The following LATS2 variants were observed in gnomAD, a reference collection of about 807,000 sequenced individuals.
LATS2 encodes the protein large tumor suppressor kinase 2.
A neutral mutation model predicts 76.0 loss-of-function variants in LATS2; 24 were observed. The observed-to-expected ratio is 0.32, with a 90% CI of 0.23 to 0.44. The LOEUF (loss-of-function observed/expected upper bound fraction) is 0.44, where lower values mean the gene tolerates loss of function less well. LATS2 is among the 20% of genes least tolerant of loss of function. The pLI, the probability that LATS2 is intolerant of heterozygous loss-of-function variation, is 1.00. For synonymous variants in LATS2, 692 were observed against 635.4 expected (o/e 1.09, Z -1.34); for missense variants, 1,286 against 1,481.2 (o/e 0.87, Z 2.16).
chr13:21,027,812 A>C (rs945791669), intron 2 of LATS2, among the ~76,000 whole-genome samples: 1 of 152,190 alleles, frequency 6.6e-6, no homozygotes, highest in Non-Finnish European at 1.5e-5. Flanking sequence ...AAACCTGCTG[A>C]GATTGTATTT....
chr13:21,024,608 C>T (rs1872233101), intron 2 of LATS2, among the ~76,000 whole-genome samples: 1 of 150,962 alleles, frequency 6.6e-6, no homozygotes, highest in Non-Finnish European at 1.5e-5. Flanking sequence ...CTTTGACGGT[C>T]ATCACTGACC....
intron 4 of LATS2, among the ~76,000 whole-genome samples, chr13:20,984,486 T>A (rs1870053481): frequency 6.6e-6 from 1 of 152,156 alleles, no homozygotes; most frequent in Non-Finnish European, 1.5e-5. Context: ...TAGCATACAT[T>A]AGATAGACTT....
At position 20,988,280 on chromosome 13, in the gene LATS2, G is replaced by C; in HGVS notation, c.1500C>G (p.Phe500Leu). ...GGCCTCCGTACTCCACGTCCAGCGG[G>C]AAGGCGCCTGCGCCGCCCAGCGCCA... is the stretch of plus-strand genomic sequence containing the variant. Reference protein sequence around the residue: ...HALALGGAGAFPLDVEYGGPD... With the variant: ...HALALGGAGALPLDVEYGGPD... The change falls in exon 4 of 8, where the codon TTC becomes TTG. Residue 500 changes from phenylalanine (F) to leucine (L), a missense_variant. By Grantham distance (22) the Phe-to-Leu change is conservative. Coordinates refer to ENST00000382592, the MANE Select transcript of LATS2 (RefSeq NM_014572.3). 6.3e-7 allele frequency: 1 copy of C among 1,591,568 alleles called. No homozygotes were observed. Among genetic ancestry groups the C allele is most frequent in the African/African-American group, 1.3e-5 (1 of 74,746 alleles).
chr13:20,980,405 C>T (rs1230860460), intron 6 of LATS2, among the ~76,000 whole-genome samples: 1 of 152,216 alleles, frequency 6.6e-6, no homozygotes, highest in African/African-American at 2.4e-5. Context: ...TCCCACTTTT[C>T]CTTCAGAGCC....
At position 21,007,689 on chromosome 13, in the gene LATS2, A is replaced by G. The variant is rs1457136065; in HGVS notation, c.343-16285T>C. Among the ~76,000 whole-genome samples, 2 of 1,412 alleles carry G rather than the reference A, an allele frequency of 1.4e-3. 1 individual carries two copies. Among genetic ancestry groups the G allele is most frequent in the Non-Finnish European group, 3.3e-3 (2 of 612 alleles). 0.9% of individuals were successfully genotyped at this position (1,412 alleles called of 152,430 possible). ...GTGTGTATATATATATATAGTATAT[A>G]TATATATATAGTATGTATATATATA... On this transcript the variant is annotated intron_variant, in intron 2 of 7. Transcript: ENST00000382592.
At position 21,046,107 on chromosome 13, in the gene LATS2, TCA is replaced by T. The variant is rs1873068507; in HGVS notation, c.-83_-82del. 1 of 951,714 alleles carries T rather than the reference TCA, an allele frequency of 1.1e-6. No homozygotes were observed. The highest frequency in any genetic ancestry group is 1.7e-5 in the African/African-American group (1 of 59,940). The allele number at this position is 951,714 out of a possible 1,614,324, so 59.0% of individuals were successfully genotyped here. A position where few individuals can be genotyped will look rare whatever the true frequency, so the allele number is the denominator to read the frequency against. ...TTAAAAAAAAAAACTGTCAATAGTATCAGTTTGTTGTAAACATACTTTCAAAA... is the reference window on the plus strand; with the variant it reads ...TTAAAAAAAAAAACTGTCAATAGTATGTTTGTTGTAAACATACTTTCAAAA... On this transcript the variant is annotated 5_prime_UTR_variant, in exon 2 of 8. It removes the in-frame stop codon of an upstream open reading frame in the 5' UTR. Transcript: ENST00000382592.
chr13:21,017,825 CA>C (rs1871869960), intron 2 of LATS2, among the ~76,000 whole-genome samples: 1 of 152,054 alleles, frequency 6.6e-6, no homozygotes, highest in Admixed American at 6.6e-5. Context: ...GGGGTTTCAC[CA>C]TGTTGGCCAG....
chr13:20,998,959 G>A (rs1346484185), intron 2 of LATS2, among the ~76,000 whole-genome samples: 2 of 151,584 alleles, frequency 1.3e-5, no homozygotes, highest in Non-Finnish European at 2.9e-5. Context: ...CAAGGGCCCT[G>A]GTGACCTTTT....
chr13:21,024,530 C>A (rs1162833606), intron 2 of LATS2, among the ~76,000 whole-genome samples: 1 of 151,968 alleles, frequency 6.6e-6, no homozygotes, highest in Non-Finnish European at 1.5e-5. Flanking sequence ...CTCGCCAGGG[C>A]ATATCTAAAA....
intron 7 of LATS2, among the ~76,000 whole-genome samples, chr13:20,976,010 C>T (rs1316295142): frequency 6.6e-6 from 1 of 152,150 alleles, no homozygotes; most frequent in Admixed American, 6.6e-5. Context: ...GGTCAAAAAA[C>T]GGCCAACTGG....
rs1869530986 is a variant in LATS2 at position 20,975,017 on chromosome 13, G to A, written c.3120C>T (p.Phe1040=). 2 of 1,614,260 alleles carry A rather than the reference G, an allele frequency of 1.2e-6. No individual in the cohort carries two copies. Among genetic ancestry groups the A allele is most frequent in the Non-Finnish European group, 1.7e-6 (2 of 1,180,048 alleles). ...TGTCATCAAAGAACCTTCGGAAGGT[G>A]AATTCGTAAAATGCGTGCTCAGGAT... ...NKHPEHAFYE[F]TFRRFFDDNG... The change falls in exon 8 of 8, where the codon TTC becomes TTT. Residue 1040 remains phenylalanine, a synonymous_variant. Coordinates refer to ENST00000382592, the MANE Select transcript of LATS2 (RefSeq NM_014572.3).
intron 4 of LATS2, 142 bp from the exon 5 acceptor site, chr13:20,983,948 T>A: frequency 1.5e-6 from 1 of 661,236 alleles, no homozygotes; most frequent in Non-Finnish European, 2.6e-6. Flanking sequence ...GGGTCTCATA[T>A]ACTACAGAGT....
At chr13:21,024,639 A>G (rs948936005) in intron 2 of LATS2, among the ~76,000 whole-genome samples, 3 of 151,458 alleles carry the variant, frequency 2.0e-5, no homozygotes, top group African/African-American at 7.3e-5. Context: ...TGTCCCACAG[A>G]AATGTAACTC....
Position 21,046,033 on chromosome 13 carries a change from T to C in LATS2, c.-7A>G. On this transcript the variant is annotated 5_prime_UTR_variant, in exon 2 of 8. Transcript: ENST00000382592. Reference sequence around the variant, plus strand: ...GAAAAGTCTTTGGCCTCATTGTTAGTCCAGTTTCCTTTTACCATAAATACA... The same window carrying C: ...GAAAAGTCTTTGGCCTCATTGTTAGCCCAGTTTCCTTTTACCATAAATACA... 1 of 1,593,248 alleles carries C rather than the reference T, an allele frequency of 6.3e-7. No individual in the cohort carries two copies. The highest frequency in any genetic ancestry group is 1.1e-5 in the South Asian group (1 of 90,308).
intron 2 of LATS2, among the ~76,000 whole-genome samples, chr13:20,999,815 C>T (rs865987297): frequency 5.5e-5 from 8 of 146,722 alleles, no homozygotes; most frequent in African/African-American, 1.3e-4. Flanking sequence ...CCAATGATCA[C>T]GAGACCAGCC....
chr13:21,023,438 G>C lies in LATS2; in HGVS notation c.342+22247C>G, dbSNP rs548045004. ...TTTTAAAAAACTTGTAAGACACCGT[G>C]TGGGTAGAATAGAACCCAACTGCAA... On this transcript the variant is annotated intron_variant, in intron 2 of 7. Coordinates refer to ENST00000382592, the MANE Select transcript of LATS2 (RefSeq NM_014572.3). 3.3e-5 allele frequency among the ~76,000 whole-genome samples: 5 copies of C among 151,862 alleles called. No individual in the cohort carries two copies. The East Asian group carries it at 9.7e-4, about 29-fold the overall frequency.
chr13:20,974,798 T>C lies in LATS2; in HGVS notation c.*72A>G, dbSNP rs1595205496. On this transcript the variant is annotated 3_prime_UTR_variant, in exon 8 of 8. Coordinates refer to ENST00000382592, the MANE Select transcript of LATS2 (RefSeq NM_014572.3). Reference sequence around the variant, plus strand: ...ACAAAACAGCCCTCGGCTTCCCTATTGGCCTGTGAGGGCACCGGCTCCGGG... The same window carrying C: ...ACAAAACAGCCCTCGGCTTCCCTATCGGCCTGTGAGGGCACCGGCTCCGGG... The C allele has an allele frequency of 6.7e-6, 10 of 1,489,576 alleles. No homozygotes were observed. In the East Asian group the frequency reaches 9.1e-5, roughly 14 times the overall value. The allele number at this position is 1,489,576 out of a possible 1,614,324, so 92.3% of individuals were successfully genotyped here.
At position 21,023,646 on chromosome 13, in the gene LATS2, TAAAAAA is replaced by T. The variant is rs1169391710; in HGVS notation, c.342+22033_342+22038del. On this transcript the variant is annotated intron_variant, in intron 2 of 7. Coordinates refer to ENST00000382592, the MANE Select transcript of LATS2 (RefSeq NM_014572.3). ...ATGACACATTTTCTATGACTGGCTT[TAAAAAA>T]AAAAAAAAAAAAAAAAAAAAAAAAA... Among the ~76,000 whole-genome samples the T allele has an allele frequency of 2.1e-3, 148 of 70,040 alleles. 2 individuals are homozygous for T. Among genetic ancestry groups the T allele is most frequent in the African/African-American group, 9.9e-3 (133 of 13,402 alleles). The allele number at this position is 70,040 out of a possible 152,430, so 45.9% of individuals were successfully genotyped here.
At chr13:21,052,976 C>T (rs968894832) in intron 1 of LATS2, among the ~76,000 whole-genome samples, 2 of 152,124 alleles carry the variant, frequency 1.3e-5, no homozygotes, top group Non-Finnish European at 2.9e-5. Context: ...GTGGCTCACG[C>T]CTGTAATCCC....
Sources: allele counts gnomAD v4.1 joint callset (sites outside exome capture counted in the v4.1 genomes callset), GRCh38; gene constraint gnomAD v4.1.1; transcripts MANE v1.5; gene names NCBI Gene and HGNC (gene_info 2026-07-23, HGNC 2026-07-21).